The following DMD variants were observed in gnomAD, a reference collection of about 807,000 sequenced individuals.
The protein encoded by DMD is dystrophin.
In DMD, 63 loss-of-function variants were observed where a neutral mutation model predicts 330.1. That is an observed-to-expected ratio of 0.19 (90% CI 0.16 to 0.24). DMD has a LOEUF of 0.24. Among genes scored for constraint, DMD ranks in the 10% least tolerant of loss-of-function variants. DMD has a pLI of 1.00. For missense variants in DMD, 3,344 were observed against 2,684.1 expected (o/e 1.25, Z -5.43); for synonymous variants, 1,223 against 959.8 (o/e 1.27, Z -5.07).
chrX:31,289,148 G>C (rs188887742), intron 62 of DMD, among the ~76,000 whole-genome samples: 5,368 of 105,722 alleles, frequency 0.051, 149 homozygotes, highest in Non-Finnish European at 0.082. Flanking sequence ...GCATGATGGC[G>C]GGTGCCTGTA....
At chrX:32,852,638 C>T (rs1433721363) in intron 2 of DMD, among the ~76,000 whole-genome samples, 1 of 110,441 alleles carries the variant, frequency 9.1e-6, no homozygotes, top group African/African-American at 3.3e-5. Flanking sequence ...TCTGGACTCA[C>T]CTGGGGCCTG....
rs1352069437 is a variant in DMD at position 32,879,021 on chromosome X, A to AAAAAAAAAAAAAAAAAAAAAAAAAAAC, written c.94-29202_94-29201insGTTTTTTTTTTTTTTTTTTTTTTTTTT. Among the ~76,000 whole-genome samples the AAAAAAAAAAAAAAAAAAAAAAAAAAAC allele has an allele frequency of 2.5e-4, 25 of 101,742 alleles. 1 individual carries two copies. The highest frequency in any genetic ancestry group is 5.4e-3 in the Middle Eastern group (1 of 184). The allele number at this position is 101,742 out of a possible 115,157, so 88.4% of individuals were successfully genotyped here. On this transcript the variant is annotated intron_variant, in intron 2 of 78. Coordinates refer to ENST00000357033, the MANE Select transcript of DMD (RefSeq NM_004006.3). ...AGACTACGTCTCAAAAAAAAAACAA[A>AAAAAAAAAAAAAAAAAAAAAAAAAAAC]AAACAAAAAACAAACAAAAAAAAAA...
chrX:32,264,721 C>T lies in DMD; in HGVS notation c.6290+22808G>A, dbSNP rs187170102. Among the ~76,000 whole-genome samples, 325 of 111,782 alleles carry T rather than the reference C, an allele frequency of 2.9e-3. 3 individuals carry two copies. The highest frequency in any genetic ancestry group is 5.3e-3 in the South Asian group (14 of 2,650). On this transcript the variant is annotated intron_variant, in intron 43 of 78. Transcript: ENST00000357033. ...GTAACTGTAGTAAAGGTCACTTTTGCTACGCTTTAGCAAAGAGACTGGTGG... is the reference window on the plus strand; with the variant it reads ...GTAACTGTAGTAAAGGTCACTTTTGTTACGCTTTAGCAAAGAGACTGGTGG...
At chrX:31,367,864 C>A (rs1041653271) in intron 60 of DMD, among the ~76,000 whole-genome samples, 1 of 111,763 alleles carries the variant, frequency 8.9e-6, no homozygotes, top group African/African-American at 3.3e-5. Flanking sequence ...GCTTTGAATT[C>A]TTGTATTATT....
chrX:32,839,020 T>C (rs1049328979), intron 4 of DMD, among the ~76,000 whole-genome samples: 2 of 112,058 alleles, frequency 1.8e-5, no homozygotes, highest in Admixed American at 9.5e-5. Flanking sequence ...GACTTGGAAC[T>C]ATTACTGATT....
At chrX:33,216,225 T>C (rs1332053626), upstream of DMD, among the ~76,000 whole-genome samples, 2 of 111,957 alleles carry the variant, frequency 1.8e-5, no homozygotes, top group Non-Finnish European at 3.8e-5. Context: ...GTAGTTCTCC[T>C]TGTATAGTTC....
intron 16 of DMD, among the ~76,000 whole-genome samples, chrX:32,563,456 G>T (rs1373256779): frequency 9.3e-6 from 1 of 108,104 alleles, no homozygotes; most frequent in Non-Finnish European, 1.9e-5. Context: ...ATGCTTTCTT[G>T]TCTATGCCTC....
chrX:33,086,868 A>G (rs759438068), intron 1 of DMD, among the ~76,000 whole-genome samples: 2 of 109,930 alleles, frequency 1.8e-5, no homozygotes, highest in African/African-American at 3.3e-5. Context: ...TGTTTGTCCA[A>G]TATATTTTAG....
chrX:31,468,056 TTTC>T (rs1250531211), intron 59 of DMD, among the ~76,000 whole-genome samples: 3 of 111,803 alleles, frequency 2.7e-5, no homozygotes, highest in African/African-American at 9.8e-5. Context: ...TCTTCTCTCT[TTTC>T]TTCTTTATTA....
chrX:32,119,116 G>A (rs772429751), intron 44 of DMD, among the ~76,000 whole-genome samples: 74 of 110,647 alleles, frequency 6.7e-4, no homozygotes, highest in Non-Finnish European at 1.2e-3. Context: ...GATCACTTGA[G>A]GTCAGGCGTT....
At chrX:32,917,194 T>A (rs908783777) in intron 2 of DMD, among the ~76,000 whole-genome samples, 6 of 82,364 alleles carry the variant, frequency 7.3e-5, no homozygotes, top group African/African-American at 2.3e-4. Flanking sequence ...CCTGCCACCA[T>A]GTAAGATGTG....
chrX:33,010,086 GTATA>G (rs1473695675), intron 2 of DMD, among the ~76,000 whole-genome samples: 3 of 99,862 alleles, frequency 3.0e-5, no homozygotes, highest in Non-Finnish European at 6.2e-5. Context: ...GTGCACATGT[GTATA>G]TATACATGTA....
At chrX:33,083,916 C>T (rs1479982292) in intron 1 of DMD, among the ~76,000 whole-genome samples, 1 of 110,569 alleles carries the variant, frequency 9.0e-6, no homozygotes, top group Non-Finnish European at 1.9e-5. Context: ...GCTACAGACA[C>T]CCCACCATAG....
intron 1 of DMD, among the ~76,000 whole-genome samples, chrX:33,100,539 A>C (rs1328082831): frequency 1.8e-5 from 2 of 110,324 alleles, no homozygotes; most frequent in Non-Finnish European, 3.8e-5. Context: ...TACTAATATA[A>C]AATTAGTCAG....
At chrX:32,193,178 G>T (rs1246020689) in intron 44 of DMD, among the ~76,000 whole-genome samples, 1 of 111,688 alleles carries the variant, frequency 9.0e-6, no homozygotes, top group African/African-American at 3.3e-5. Context: ...CTCCACAGAA[G>T]GAGATGCTGC....
At chrX:32,867,272 T>C (rs1429998620) in intron 2 of DMD, among the ~76,000 whole-genome samples, 2 of 112,055 alleles carry the variant, frequency 1.8e-5, no homozygotes, top group Non-Finnish European at 3.8e-5. Context: ...TTATAAGCTA[T>C]AATTTCCAGT....
At chrX:32,120,839 C>T (rs188664293) in intron 44 of DMD, among the ~76,000 whole-genome samples, 2 of 112,041 alleles carry the variant, frequency 1.8e-5, no homozygotes, top group African/African-American at 6.5e-5. Flanking sequence ...TGGCTGATAA[C>T]TAAATTGATA....
In DMD at chrX:32,623,527, TA is replaced by T. The variant is rs1407642498; in HGVS notation, c.1332-9075del. ...CCAAGGTAAAGATTTATAATACTAG[TA>T]TTTTTTTTTTTTTTTTTGAGACAGG... On this transcript the variant is annotated intron_variant, in intron 11 of 78. Transcript: ENST00000357033. Among the ~76,000 whole-genome samples the T allele has an allele frequency of 9.8e-3, 1,029 of 105,386 alleles. 10 individuals carry two copies. The highest frequency in any genetic ancestry group is 0.039 in the Middle Eastern group (8 of 207). The allele number at this position is 105,386 out of a possible 115,157, so 91.5% of individuals were successfully genotyped here. A position where few individuals can be genotyped will look rare whatever the true frequency, so the allele number is the denominator to read the frequency against.
At chrX:32,882,323 T>A (rs1464749793) in intron 2 of DMD, among the ~76,000 whole-genome samples, 2 of 111,948 alleles carry the variant, frequency 1.8e-5, no homozygotes, top group Admixed American at 1.9e-4. Flanking sequence ...ACTTGCTACC[T>A]CTTCTCTTTG....
Sources: gnomAD v4.1 joint callset for allele counts (sites outside exome capture counted in the v4.1 genomes callset) on GRCh38, gnomAD v4.1.1 for gene constraint, MANE v1.5 for transcripts, NCBI Gene and HGNC (gene_info 2026-07-23, HGNC 2026-07-21) for gene names.